The following HTR1E variants were observed in gnomAD, a reference collection of about 807,000 sequenced individuals.
HTR1E encodes 5-hydroxytryptamine receptor 1E, also known as 5-HT-1E.
Under a neutral mutation model 3.4 loss-of-function variants are expected in HTR1E, and 3 were observed. That is an observed-to-expected ratio of 0.89 (90% CI 0.41 to 2.31). The LOEUF (loss-of-function observed/expected upper bound fraction) is 2.31, where lower values mean the gene tolerates loss of function less well. Ranked by LOEUF, HTR1E falls within the 30% of genes most tolerant of loss-of-function variation. HTR1E has a pLI of 0.05. For synonymous variants in HTR1E, 170 were observed against 182.8 expected, an observed-to-expected ratio of 0.93 and a Z score of 0.56; for missense variants, 392 against 467.0, an observed-to-expected ratio of 0.84 and a Z score of 1.48.
At chr6:86,940,424 T>A (rs1284526722) in intron 1 of HTR1E, among the ~76,000 whole-genome samples, 1 of 152,176 alleles carries the variant, frequency 6.6e-6, no homozygotes, top group African/African-American at 2.4e-5. Flanking sequence ...TAGTCCCAGC[T>A]ACTTGGGAGG....
intron 1 of HTR1E, among the ~76,000 whole-genome samples, chr6:86,969,470 T>A (rs1767518221): frequency 6.6e-6 from 1 of 152,174 alleles, no homozygotes; most frequent in Non-Finnish European, 1.5e-5. Context: ...CAGCGTAGAT[T>A]TCTCACTAAT....
In HTR1E at chr6:87,016,264, A is replaced by T. The variant is rs1768324094; in HGVS notation, c.930A>T (p.Lys310Asn). 2 of 1,612,000 alleles carry T rather than the reference A, an allele frequency of 1.2e-6. No homozygotes were observed. Among genetic ancestry groups the T allele is most frequent in the Non-Finnish European group, 8.5e-7 (1 of 1,179,170 alleles). The change falls in exon 2 of 2, where the codon AAA becomes AAT. Residue 310 changes from lysine (K) to asparagine (N), a missense_variant. Lys to Asn is a moderately conservative substitution (Grantham distance 94). Around this residue, in one of 3 missense-constraint regions of HTR1E, gnomAD observed 178 missense variants for 164.9 expected, o/e 1.08. Transcript: ENST00000305344. ...FILSWLPFFI[K>N]ELIVGLSIYT... ...TATCCTGGCTGCCATTTTTCATCAA[A>T]GAGTTGATTGTGGGTCTGAGCATCT...
At chr6:86,988,743 A>G (rs1478155842) in intron 1 of HTR1E, among the ~76,000 whole-genome samples, 1 of 152,158 alleles carries the variant, frequency 6.6e-6, no homozygotes, top group Non-Finnish European at 1.5e-5. Context: ...GTCCCAAAAC[A>G]TGCATAAATG....
chr6:87,008,096 T>C (rs1768145116), intron 1 of HTR1E, among the ~76,000 whole-genome samples: 1 of 152,310 alleles, frequency 6.6e-6, no homozygotes, highest in Admixed American at 6.5e-5. Context: ...TTTGAGATTA[T>C]AAAATGGTAA....
chr6:86,957,842 G>A (rs781632777), intron 1 of HTR1E, among the ~76,000 whole-genome samples: 6 of 152,152 alleles, frequency 3.9e-5, no homozygotes, highest in Non-Finnish European at 7.3e-5. Flanking sequence ...GGAAATGCAT[G>A]GGCAAAAGCC....
At chr6:86,948,726 T>A (rs1465995518) in intron 1 of HTR1E, among the ~76,000 whole-genome samples, 1 of 152,126 alleles carries the variant, frequency 6.6e-6, no homozygotes, top group Non-Finnish European at 1.5e-5. Context: ...CCAAACATCT[T>A]GTTCTCCAGG....
At chr6:86,944,439 T>A (rs1768587265) in intron 1 of HTR1E, among the ~76,000 whole-genome samples, 1 of 152,216 alleles carries the variant, frequency 6.6e-6, no homozygotes, top group Non-Finnish European at 1.5e-5. Flanking sequence ...GTTCTCAGAC[T>A]GAAATTAGAT....
chr6:86,940,741 C>G (rs1158764641), intron 1 of HTR1E, among the ~76,000 whole-genome samples: 1 of 152,146 alleles, frequency 6.6e-6, no homozygotes, highest in African/African-American at 2.4e-5. Flanking sequence ...AAGATCAAAT[C>G]TAACGCTCTA....
intron 1 of HTR1E, among the ~76,000 whole-genome samples, chr6:87,013,075 G>A (rs549967765): frequency 6.6e-6 from 1 of 152,354 alleles, no homozygotes; most frequent in South Asian, 2.1e-4. Flanking sequence ...GCAGGTGCCA[G>A]CTGACTCCTC....
At chr6:86,940,278 G>A (rs1484894960) in intron 1 of HTR1E, among the ~76,000 whole-genome samples, 1 of 152,058 alleles carries the variant, frequency 6.6e-6, no homozygotes, top group African/African-American at 2.4e-5. Flanking sequence ...GGTCACACCT[G>A]TAATTCCAAC....
intron 1 of HTR1E, among the ~76,000 whole-genome samples, chr6:87,013,615 A>G (rs538952941): frequency 6.6e-6 from 1 of 152,164 alleles, no homozygotes; most frequent in Non-Finnish European, 1.5e-5. Flanking sequence ...TTTTTTCTTT[A>G]ACGGCCCCAG....
intron 1 of HTR1E, among the ~76,000 whole-genome samples, chr6:86,955,060 A>C (rs1176834018): frequency 6.6e-6 from 1 of 151,760 alleles, no homozygotes; most frequent in Non-Finnish European, 1.5e-5. Context: ...ACTTTACCAC[A>C]CTTTTCTACA....
chr6:86,984,892 G>T (rs1422689832), intron 1 of HTR1E, among the ~76,000 whole-genome samples: 1 of 152,150 alleles, frequency 6.6e-6, no homozygotes, highest in Non-Finnish European at 1.5e-5. Flanking sequence ...ATGCAAGGTG[G>T]TGGGAGGGGG....
At chr6:86,945,617 ATAAT>A (rs1430391652) in intron 1 of HTR1E, among the ~76,000 whole-genome samples, 2 of 152,220 alleles carry the variant, frequency 1.3e-5, no homozygotes, top group African/African-American at 2.4e-5. Flanking sequence ...AATGTTATAA[ATAAT>A]GAGAATATTT....
At chr6:86,958,892 A>G (rs950419640) in intron 1 of HTR1E, among the ~76,000 whole-genome samples, 9 of 151,984 alleles carry the variant, frequency 5.9e-5, no homozygotes, top group Non-Finnish European at 8.8e-5. Flanking sequence ...ACAGCATAAG[A>G]CAATGTATTA....
At chr6:86,995,073 TAAACAGTGA>T (rs1474350431) in intron 1 of HTR1E, among the ~76,000 whole-genome samples, 1 of 151,814 alleles carries the variant, frequency 6.6e-6, no homozygotes, top group African/African-American at 2.4e-5. Flanking sequence ...CAGAAAAACA[TAAACAGTGA>T]AAACAAATGA....
chr6:86,938,358 G>T (rs1371344860), intron 1 of HTR1E, among the ~76,000 whole-genome samples: 1 of 152,124 alleles, frequency 6.6e-6, no homozygotes, highest in Non-Finnish European at 1.5e-5. Flanking sequence ...GAGGTAATGA[G>T]GCAGGCTCAT....
At chr6:87,003,342 A>G (rs1002713073) in intron 1 of HTR1E, among the ~76,000 whole-genome samples, 4 of 152,190 alleles carry the variant, frequency 2.6e-5, no homozygotes, top group Non-Finnish European at 4.4e-5. Flanking sequence ...GTTCAAGACC[A>G]GACTGGCCAA....
At chr6:86,988,691 T>A (rs968075531) in intron 1 of HTR1E, among the ~76,000 whole-genome samples, 7 of 152,126 alleles carry the variant, frequency 4.6e-5, no homozygotes, top group African/African-American at 1.7e-4. Flanking sequence ...AAGGATGCTG[T>A]CTATACAAGC....
Sources: gnomAD v4.1 joint callset for allele counts (sites outside exome capture counted in the v4.1 genomes callset) on GRCh38, gnomAD v4.1.1 for gene constraint, gnomAD v4.1.1 regional missense constraint, MANE v1.5 for transcripts, NCBI Gene and HGNC (gene_info 2026-07-23, HGNC 2026-07-21) for gene names.